ZNF2: variants seen among roughly 807,000 people sequenced by gnomAD.
The protein encoded by ZNF2 is zinc finger protein 2.2.
ZNF2 carries 12 observed loss-of-function variants against 21.9 expected under a neutral mutation model. That is an observed-to-expected ratio of 0.55 (90% CI 0.35 to 0.89). ZNF2 has a LOEUF of 0.89. Among genes scored for constraint, ZNF2 ranks in the 40% least tolerant of loss-of-function variants. The probability of loss-of-function intolerance (pLI) is 0.01; values close to 1 mark genes in which losing one functional copy is unlikely to be tolerated. For missense variants in ZNF2, 462 were observed against 544.2 expected (o/e 0.85, Z 1.50); for synonymous variants, 186 against 196.3 (o/e 0.95, Z 0.44).
At chr2:95,178,679 T>C (rs1273038290) in intron 3 of ZNF2, among the ~76,000 whole-genome samples, 2 of 152,176 alleles carry the variant, frequency 1.3e-5, no homozygotes, top group African/African-American at 4.8e-5. Flanking sequence ...TTTTTTAATA[T>C]AACCAAAAAT....
rs1297562782 is a variant in ZNF2, at chr2:95,182,231, G to A, written c.*125G>A. 15 of 1,250,016 alleles carry A rather than the reference G, an allele frequency of 1.2e-5. No homozygotes were observed. The highest frequency in any genetic ancestry group is 9.7e-5 in the East Asian group (4 of 41,350). The allele number at this position is 1,250,016 out of a possible 1,614,324, so 77.4% of individuals were successfully genotyped here. A position where few individuals can be genotyped will look rare whatever the true frequency, so the allele number is the denominator to read the frequency against. Reference sequence around the variant, plus strand: ...TGCCGTTGTCCTGTCCTGCTTCTGCGCCAGAGTGTTTAATAAGCACTCCCT... The same window carrying A: ...TGCCGTTGTCCTGTCCTGCTTCTGCACCAGAGTGTTTAATAAGCACTCCCT... On this transcript the variant is annotated 3_prime_UTR_variant, in exon 5 of 5. Transcript: ENST00000614034.
chr2:95,171,339 G>T (rs1674259545), intron 1 of ZNF2, among the ~76,000 whole-genome samples: 1 of 150,770 alleles, frequency 6.6e-6, no homozygotes, highest in African/African-American at 2.4e-5. Context: ...ATCACCTTCA[G>T]CCTCTTCTTC....
At chr2:95,175,235 G>T (rs796949219) in intron 1 of ZNF2, among the ~76,000 whole-genome samples, 3 of 152,246 alleles carry the variant, frequency 2.0e-5, no homozygotes, top group African/African-American at 7.2e-5. Context: ...CCAGTAAAGG[G>T]AATTAGTGAT....
At chr2:95,167,140 A>G (rs1674088367) in intron 1 of ZNF2, among the ~76,000 whole-genome samples, 1 of 152,204 alleles carries the variant, frequency 6.6e-6, no homozygotes, top group Non-Finnish European at 1.5e-5. Flanking sequence ...AAGCTAGTGC[A>G]GTATCATAGC....
At chr2:95,176,623 A>C (rs1336565704) in intron 2 of ZNF2, among the ~76,000 whole-genome samples, 2 of 152,068 alleles carry the variant, frequency 1.3e-5, no homozygotes, top group Non-Finnish European at 2.9e-5. Flanking sequence ...TGTTCCAGGG[A>C]GTGTGGGGCT....
At chr2:95,173,748 C>G (rs1476088344) in intron 1 of ZNF2, among the ~76,000 whole-genome samples, 1 of 152,182 alleles carries the variant, frequency 6.6e-6, no homozygotes, top group Non-Finnish European at 1.5e-5. Context: ...CTTGCTCTGT[C>G]GCCAGGCTGG....
chr2:95,166,288 A>T (rs1299340108), intron 1 of ZNF2, among the ~76,000 whole-genome samples: 4 of 151,756 alleles, frequency 2.6e-5, no homozygotes, highest in Non-Finnish European at 5.9e-5. Context: ...TTCATGGAGG[A>T]GGTGGGATTT....
chr2:95,166,766 G>A (rs552581318), intron 1 of ZNF2, among the ~76,000 whole-genome samples: 13 of 152,150 alleles, frequency 8.5e-5, no homozygotes, highest in Non-Finnish European at 1.9e-4. Context: ...TGGGACACCT[G>A]GGAGAACAAT....
chr2:95,174,501 G>A (rs1259699880), intron 1 of ZNF2, among the ~76,000 whole-genome samples: 1 of 152,130 alleles, frequency 6.6e-6, no homozygotes, highest in Non-Finnish European at 1.5e-5. Context: ...AATTTTTGTT[G>A]TTAATCCTTT....
At position 95,171,890 on chromosome 2, in the gene ZNF2, G is replaced by A. The variant is rs117462563; in HGVS notation, c.-39-4298G>A. On this transcript the variant is annotated intron_variant, in intron 1 of 4. Transcript: ENST00000614034. ...TCCCCAGGATCACCCCAGGTTCAGGGATTCACTAGAAGGACTCAAGACTCG... is the reference window on the plus strand; with the variant it reads ...TCCCCAGGATCACCCCAGGTTCAGGAATTCACTAGAAGGACTCAAGACTCG... 1.8e-4 allele frequency among the ~76,000 whole-genome samples: 28 copies of A among 152,300 alleles called. 1 individual carries two copies. In the East Asian group the frequency reaches 5.4e-3, roughly 29 times the overall value.
rs992387738 is a variant in ZNF2 at position 95,182,209 on chromosome 2, C to G, written c.*103C>G. The G allele has an allele frequency of 1.0e-4, 147 of 1,423,610 alleles. No homozygotes were observed. Among genetic ancestry groups the G allele is most frequent in the Non-Finnish European group, 1.4e-4 (145 of 1,059,566 alleles). The allele number at this position is 1,423,610 out of a possible 1,614,324, so 88.2% of individuals were successfully genotyped here. ...TGCTCATTCTACCCACTCTGGCTGCCGTTGTCCTGTCCTGCTTCTGCGCCA... is the reference window on the plus strand; with the variant it reads ...TGCTCATTCTACCCACTCTGGCTGCGGTTGTCCTGTCCTGCTTCTGCGCCA... On this transcript the variant is annotated 3_prime_UTR_variant, in exon 5 of 5. Coordinates refer to ENST00000614034, the MANE Select transcript of ZNF2 (RefSeq NM_021088.4).
At chr2:95,166,856 T>C (rs756912496) in intron 1 of ZNF2, among the ~76,000 whole-genome samples, 3 of 152,204 alleles carry the variant, frequency 2.0e-5, no homozygotes, top group African/African-American at 4.8e-5. Flanking sequence ...TTTGAGGTGA[T>C]GGTGGAACGC....
At chr2:95,168,525 T>C (rs1438322185) in intron 1 of ZNF2, among the ~76,000 whole-genome samples, 1 of 152,004 alleles carries the variant, frequency 6.6e-6, no homozygotes, top group Admixed American at 6.5e-5. Context: ...AAAGGTAAAG[T>C]CCTGGAGACA....
intron 3 of ZNF2, among the ~76,000 whole-genome samples, chr2:95,177,969 A>T (rs1674506148): frequency 6.6e-6 from 1 of 152,158 alleles, no homozygotes; most frequent in Admixed American, 6.5e-5. Flanking sequence ...TGAGTTTCAT[A>T]TGCCCAGTTC....
In ZNF2 at chr2:95,176,168, C is replaced by T. The variant is rs540883840; in HGVS notation, c.-39-20C>T. 1.0e-4 allele frequency: 165 copies of T among 1,607,692 alleles called. No individual in the cohort carries two copies. The Middle Eastern group carries it at 1.2e-3, about 11-fold the overall frequency. Reference sequence around the variant, plus strand: ...TCTTTCTCCTACCTTCTTTCTCACCCCCCACTTCTGCCTCATTAGGACTCT... The same window carrying T: ...TCTTTCTCCTACCTTCTTTCTCACCTCCCACTTCTGCCTCATTAGGACTCT... On this transcript the variant is annotated intron_variant, in intron 1 of 4. Transcript: ENST00000614034.
intron 1 of ZNF2, among the ~76,000 whole-genome samples, chr2:95,168,749 G>A (rs982751990): frequency 2.0e-5 from 3 of 152,188 alleles, no homozygotes; most frequent in Non-Finnish European, 4.4e-5. Context: ...GTAAACAACT[G>A]TTGGCTTAAG....
chr2:95,180,424 C>CACCGAGA, intron 4 of ZNF2, 152 bp downstream of exon 4: 1 of 570,436 alleles, frequency 1.8e-6, no homozygotes, highest in Admixed American at 3.2e-5. Context: ...ATTTTTTTCC[C>CACCGAGA]TCTACACCTT....
chr2:95,182,859 T>C lies in ZNF2; in HGVS notation c.*753T>C, dbSNP rs1674727328. The C allele has an allele frequency of 6.6e-6, 1 of 152,288 alleles. No homozygotes were observed. The highest frequency in any genetic ancestry group is 1.5e-5 in the Non-Finnish European group (1 of 68,046). 9.4% of individuals were successfully genotyped at this position (152,288 alleles called of 1,614,324 possible). ...TTGTTTGTTTTATAATTTATGTATA[T>C]GTATTATCCTCTCAACTAGATTGTA... is the stretch of plus-strand genomic sequence containing the variant. On this transcript the variant is annotated 3_prime_UTR_variant, in exon 5 of 5. Coordinates refer to ENST00000614034, the MANE Select transcript of ZNF2 (RefSeq NM_021088.4).
chr2:95,172,963 T>TG (rs1674332770), intron 1 of ZNF2, among the ~76,000 whole-genome samples: 1 of 151,538 alleles, frequency 6.6e-6, no homozygotes, highest in Non-Finnish European at 1.5e-5. Flanking sequence ...TTTCAGTTGT[T>TG]GATTTTTTTT....
Sources: allele counts gnomAD v4.1 joint callset (sites outside exome capture counted in the v4.1 genomes callset), GRCh38; gene constraint gnomAD v4.1.1; transcripts MANE v1.5; gene names NCBI Gene and HGNC (gene_info 2026-07-23, HGNC 2026-07-21).